THSD7A: variants seen among roughly 807,000 people sequenced by gnomAD.
THSD7A encodes the protein thrombospondin type-1 domain-containing protein 7A.
Under a neutral mutation model 231.3 loss-of-function variants are expected in THSD7A, and 96 were observed. The observed-to-expected ratio is 0.41, with a 90% CI of 0.35 to 0.49. The LOEUF is 0.49. Among genes scored for constraint, THSD7A ranks in the 20% least tolerant of loss-of-function variants. THSD7A has a pLI of 0.05. For synonymous variants in THSD7A, 940 were observed against 743.3 expected (o/e 1.26, Z -4.30); for missense variants, 2,290 against 2,070.2 (o/e 1.11, Z -2.06).
At position 11,801,231 on chromosome 7, in the gene THSD7A, G is replaced by T. The variant is rs556969112; in HGVS notation, c.190+30526C>A. Among the ~76,000 whole-genome samples the T allele has an allele frequency of 2.0e-5, 3 of 151,996 alleles. No individual in the cohort carries two copies. The South Asian group carries it at 6.2e-4, about 32-fold the overall frequency. On this transcript the variant is annotated intron_variant, in intron 1 of 27. Transcript: ENST00000423059. ...CAATAAAGCTAAAAAATAAAAAGAA[G>T]TTATGTTGCTGGATGTAATACTAGG...
At chr7:11,679,618 C>A (rs977594668) in intron 1 of THSD7A, among the ~76,000 whole-genome samples, 57 of 152,096 alleles carry the variant, frequency 3.7e-4, no homozygotes, top group Non-Finnish European at 7.1e-4. Context: ...GAATAAAATA[C>A]CTAGGAATAC....
intron 2 of THSD7A, among the ~76,000 whole-genome samples, chr7:11,625,008 T>C (rs1466240836): frequency 6.6e-6 from 1 of 152,122 alleles, no homozygotes; most frequent in Non-Finnish European, 1.5e-5. Flanking sequence ...CAGTATATCG[T>C]ATATTGTATA....
At chr7:11,473,401 T>C (rs1786015509) in intron 8 of THSD7A, among the ~76,000 whole-genome samples, 2 of 152,054 alleles carry the variant, frequency 1.3e-5, no homozygotes, top group Admixed American at 6.6e-5. Context: ...TTGGCCAGAG[T>C]AAGTTAGGTA....
chr7:11,769,411 C>T (rs1471340236), intron 1 of THSD7A, among the ~76,000 whole-genome samples: 2 of 151,174 alleles, frequency 1.3e-5, no homozygotes, highest in Admixed American at 6.6e-5. Context: ...TGTGTTGATC[C>T]CTTGGCTGGG....
At chr7:11,550,218 G>C (rs564328655) in intron 4 of THSD7A, among the ~76,000 whole-genome samples, 7 of 152,056 alleles carry the variant, frequency 4.6e-5, no homozygotes, top group African/African-American at 1.7e-4. Context: ...GCCAAATCAG[G>C]AATGCAATCC....
At chr7:11,553,140 CT>C (rs1391163291) in intron 4 of THSD7A, among the ~76,000 whole-genome samples, 2 of 152,080 alleles carry the variant, frequency 1.3e-5, no homozygotes. Flanking sequence ...ACAAAGCCTT[CT>C]TGAGGTTTGC....
intron 2 of THSD7A, among the ~76,000 whole-genome samples, chr7:11,616,327 T>G (rs921127887): frequency 1.3e-5 from 2 of 152,192 alleles, no homozygotes; most frequent in African/African-American, 4.8e-5. Flanking sequence ...TCATTCAGAC[T>G]GTGGTGCTGA....
chr7:11,781,035 A>AAAAAAAAAAAAAAAT (rs1185567161), intron 1 of THSD7A, among the ~76,000 whole-genome samples: 1 of 133,702 alleles, frequency 7.5e-6, no homozygotes. Flanking sequence ...AAAAAAAAAA[A>AAAAAAAAAAAAAAAT]AAATTTATAG....
intron 6 of THSD7A, among the ~76,000 whole-genome samples, chr7:11,534,660 G>A (rs1339928095): frequency 2.0e-5 from 3 of 152,144 alleles, no homozygotes; most frequent in African/African-American, 7.2e-5. Flanking sequence ...TATGGTCTGA[G>A]AGGTGGAAAG....
intron 6 of THSD7A, among the ~76,000 whole-genome samples, chr7:11,508,030 G>GGA (rs571013393): frequency 1.1e-4 from 17 of 151,610 alleles, no homozygotes; most frequent in Non-Finnish European, 1.3e-4. Context: ...CATGGTGGCA[G>GGA]GAGAGAGAGA....
At chr7:11,709,840 G>C (rs1014454558) in intron 1 of THSD7A, among the ~76,000 whole-genome samples, 1 of 150,774 alleles carries the variant, frequency 6.6e-6, no homozygotes, top group African/African-American at 2.4e-5. Flanking sequence ...GTTAAAGCCT[G>C]CTATCTTTCC....
At position 11,636,170 on chromosome 7, in the gene THSD7A, C is replaced by T. The variant is rs763253831; in HGVS notation, c.982G>A (p.Val328Ile). Reference sequence around the variant, plus strand: ...TTCCCCGTCTTGTTAATGCACATAACCTCTCTGGTCTGATATCCAATCTGG... The same window carrying T: ...TTCCCCGTCTTGTTAATGCACATAATCTCTCTGGTCTGATATCCAATCTGG... ...DIQIGYQTREVMCINKTGKAA... is the reference protein window; with the variant it reads ...DIQIGYQTREIMCINKTGKAA... Residue 328 changes from valine (V) to isoleucine (I), a missense_variant, in exon 2 of 28, where the codon GTT (valine) becomes ATT (isoleucine). Physicochemically the swap from Val to Ile is conservative, Grantham distance 29 (BLOSUM62 3). Transcript: ENST00000423059. The surrounding 1 kb of genome is among the most constrained non-coding windows in gnomAD (Gnocchi z 10.0). The T allele has an allele frequency of 6.2e-7, 1 of 1,613,738 alleles. No homozygotes were observed. Among genetic ancestry groups the T allele is most frequent in the South Asian group, 1.1e-5 (1 of 91,038 alleles).
intron 1 of THSD7A, among the ~76,000 whole-genome samples, chr7:11,705,659 T>C (rs555813604): frequency 1.3e-5 from 2 of 151,178 alleles, no homozygotes; most frequent in Admixed American, 6.6e-5. Context: ...ATTTGTACTA[T>C]ATTTTAGCTA....
chr7:11,512,670 TCA>T (rs1216067818), intron 6 of THSD7A, among the ~76,000 whole-genome samples: 2 of 149,012 alleles, frequency 1.3e-5, no homozygotes, highest in African/African-American at 5.0e-5. Flanking sequence ...GAGCAAAGTT[TCA>T]CAAGGACAGA....
At chr7:11,757,501 C>A (rs66791240) in intron 1 of THSD7A, among the ~76,000 whole-genome samples, 25,477 of 151,862 alleles carry the variant, frequency 0.17, 2,479 homozygotes, top group South Asian at 0.28. Flanking sequence ...ACTGCCTCAC[C>A]CAAGTTACAG....
intron 6 of THSD7A, among the ~76,000 whole-genome samples, chr7:11,486,943 C>G (rs1009217069): frequency 2.6e-5 from 4 of 152,100 alleles, no homozygotes; most frequent in African/African-American, 7.2e-5. Context: ...ATTTGGAATA[C>G]CCTACGAAAG....
chr7:11,535,551 G>T (rs575839705), intron 6 of THSD7A, among the ~76,000 whole-genome samples: 13 of 151,526 alleles, frequency 8.6e-5, no homozygotes, highest in African/African-American at 2.7e-4. Context: ...GATCCTAATT[G>T]TAAGTGAGAG....
intron 1 of THSD7A, among the ~76,000 whole-genome samples, chr7:11,675,613 A>G (rs1232658380): frequency 6.6e-6 from 1 of 152,162 alleles, no homozygotes; most frequent in Non-Finnish European, 1.5e-5. Context: ...GCTTGAGTAG[A>G]AAGTTTTCCT....
At chr7:11,388,781 C>A (rs781026770) in intron 23 of THSD7A, among the ~76,000 whole-genome samples, 4 of 152,126 alleles carry the variant, frequency 2.6e-5, no homozygotes, top group Non-Finnish European at 5.9e-5. Flanking sequence ...ATCATTCCTG[C>A]TTTCTATTGT....
Sources: gnomAD v4.1 joint callset for allele counts (sites outside exome capture counted in the v4.1 genomes callset) on GRCh38, gnomAD v4.1.1 for gene constraint, Gnocchi (gnomAD v3.1) non-coding constraint, MANE v1.5 for transcripts, NCBI Gene and HGNC (gene_info 2026-07-23, HGNC 2026-07-21) for gene names.